The following UBAC2 variants were observed in gnomAD, a reference collection of about 807,000 sequenced individuals.
UBAC2 encodes ubiquitin-associated domain-containing protein 2.
A neutral mutation model predicts 44.0 loss-of-function variants in UBAC2; 26 were observed. That is an observed-to-expected ratio of 0.59 (90% CI 0.43 to 0.82). The LOEUF (loss-of-function observed/expected upper bound fraction) is 0.82. Among genes scored for constraint, UBAC2 ranks in the 40% least tolerant of loss-of-function variants. UBAC2 has a pLI of 0.00. For synonymous variants in UBAC2, 155 were observed against 154.3 expected (o/e 1.00, Z -0.04); for missense variants, 329 against 419.4 (o/e 0.78, Z 1.88).
chr13:99,376,874 A>G lies in UBAC2; in HGVS notation c.928-8354A>G, dbSNP rs552822433. 2.0e-5 allele frequency: 3 copies of G among 152,294 alleles called. No individual in the cohort carries two copies. The East Asian group carries it at 5.8e-4, about 29-fold the overall frequency. The allele number at this position is 152,294 out of a possible 1,614,324, so 9.4% of individuals were successfully genotyped here. On this transcript the variant is annotated intron_variant, in intron 8 of 8. Coordinates refer to ENST00000403766, the MANE Select transcript of UBAC2 (RefSeq NM_001144072.2). ...GATGGAGAGGGAATGTTGAAAGAAC[A>G]CCTTTTTAGAAAATTTCTTTGAGAC...
chr13:99,288,985 A>G (rs900363162), intron 4 of UBAC2, among the ~76,000 whole-genome samples: 2 of 152,252 alleles, frequency 1.3e-5, no homozygotes, highest in Non-Finnish European at 2.9e-5. Flanking sequence ...TTTGAGGGAT[A>G]CAAGAATATT....
At position 99,247,504 on chromosome 13, in the gene UBAC2, G is replaced by A. The variant is rs1210011661; in HGVS notation, c.389+2880G>A. On this transcript the variant is annotated intron_variant, in intron 4 of 8. Transcript: ENST00000403766. ...GCTGGGATTACAGGCGTGAGCCACCGCGCCCGGCCTGTGTTGTTTTTTTTT... is the reference window on the plus strand; with the variant it reads ...GCTGGGATTACAGGCGTGAGCCACCACGCCCGGCCTGTGTTGTTTTTTTTT... 3.3e-5 allele frequency among the ~76,000 whole-genome samples: 5 copies of A among 152,056 alleles called. No individual in the cohort carries two copies. In the South Asian group the frequency reaches 8.3e-4, roughly 25 times the overall value.
At chr13:99,381,250 C>T (rs1436203862) in intron 8 of UBAC2, among the ~76,000 whole-genome samples, 3 of 152,240 alleles carry the variant, frequency 2.0e-5, no homozygotes, top group African/African-American at 7.2e-5. Flanking sequence ...AGCCCATTAT[C>T]AGCATCCTGT....
chr13:99,228,565 A>G (rs914667974), intron 1 of UBAC2, among the ~76,000 whole-genome samples: 4 of 152,188 alleles, frequency 2.6e-5, no homozygotes, highest in African/African-American at 7.2e-5. Flanking sequence ...AAGTGCTGGG[A>G]TTATAGGCAT....
At position 99,200,872 on chromosome 13, in the gene UBAC2, CCCCGGCGCCCTCTGGGGCTCCGAG is replaced by C. The variant is rs1274426323; in HGVS notation, c.-29_-6del. 3.1e-6 allele frequency: 4 copies of C among 1,292,806 alleles called. No individual in the cohort carries two copies. In the East Asian group the frequency reaches 8.9e-5, roughly 29 times the overall value. 80.1% of individuals were successfully genotyped at this position (1,292,806 alleles called of 1,614,324 possible). A position where few individuals can be genotyped will look rare whatever the true frequency, so the allele number is the denominator to read the frequency against. On this transcript the variant is annotated 5_prime_UTR_variant, in exon 1 of 9. Coordinates refer to ENST00000403766, the MANE Select transcript of UBAC2 (RefSeq NM_001144072.2). ...GGGGCTCGCACTTCAGCTTCCCCTCCCCCGGCGCCCTCTGGGGCTCCGAGCCCGGCGGGACCATGTTCACCAGCA... is the reference window on the plus strand; with the variant it reads ...GGGGCTCGCACTTCAGCTTCCCCTCCCCCGGCGGGACCATGTTCACCAGCA...
chr13:99,208,633 C>T (rs551419839), intron 1 of UBAC2, among the ~76,000 whole-genome samples: 9 of 152,210 alleles, frequency 5.9e-5, no homozygotes, highest in Non-Finnish European at 1.2e-4. Context: ...GCAACCATCT[C>T]TGTCCGAAAA....
chr13:99,296,221 CT>C, intron 4 of UBAC2: 1 of 1,392,650 alleles, frequency 7.2e-7, no homozygotes, highest in African/African-American at 1.4e-5. Flanking sequence ...AGTTTGATTA[CT>C]CATTAGTTTT....
intron 1 of UBAC2, among the ~76,000 whole-genome samples, chr13:99,234,742 G>A (rs1282547491): frequency 6.6e-6 from 1 of 152,180 alleles, no homozygotes; most frequent in Non-Finnish European, 1.5e-5. Flanking sequence ...ATCTATGAGA[G>A]AGGAAGGCAT....
At chr13:99,343,867 G>A (rs771463552) in intron 7 of UBAC2, among the ~76,000 whole-genome samples, 4 of 152,126 alleles carry the variant, frequency 2.6e-5, no homozygotes. Flanking sequence ...TACCGTACAG[G>A]GTGCAGTTGT....
At chr13:99,358,714 G>A (rs1406203870) in intron 7 of UBAC2, among the ~76,000 whole-genome samples, 1 of 152,212 alleles carries the variant, frequency 6.6e-6, no homozygotes, top group Non-Finnish European at 1.5e-5. Flanking sequence ...GGGGCAGTGA[G>A]AGTGAGGGTG....
rs982260462 is a variant in UBAC2 at position 99,304,058 on chromosome 13, G to T, written c.390-10039G>T. ...GCTTCCCGCCAGGCTCTCAAACGGG[G>T]CCCATCCAACCCCAGGCAAACCACA... On this transcript the variant is annotated intron_variant, in intron 4 of 8. Transcript: ENST00000403766. Among the ~76,000 whole-genome samples, 6 of 152,218 alleles carry T rather than the reference G, an allele frequency of 3.9e-5. 1 individual carries two copies. Among genetic ancestry groups the T allele is most frequent in the Middle Eastern group, 3.4e-3 (1 of 294 alleles).
intron 4 of UBAC2, among the ~76,000 whole-genome samples, chr13:99,245,094 A>G (rs960507709): frequency 6.6e-6 from 1 of 152,184 alleles, no homozygotes; most frequent in Non-Finnish European, 1.5e-5. Flanking sequence ...TCGGCCTCCC[A>G]AAGTGCTTGA....
chr13:99,201,246 G>T, intron 1 of UBAC2: 3 of 1,434,494 alleles, frequency 2.1e-6, no homozygotes. Context: ...GTGTTCTCGT[G>T]GGCCGGCCCC....
chr13:99,271,766 C>T (rs934640709), intron 4 of UBAC2, among the ~76,000 whole-genome samples: 26 of 152,106 alleles, frequency 1.7e-4, no homozygotes, highest in Admixed American at 6.5e-5. Context: ...GTTTCATTTG[C>T]TCTTCGAGTC....
chr13:99,263,135 T>C (rs1168104731), intron 4 of UBAC2, among the ~76,000 whole-genome samples: 1 of 152,236 alleles, frequency 6.6e-6, no homozygotes, highest in African/African-American at 2.4e-5. Context: ...GTTTTAGTAA[T>C]TTTTGTTGAA....
At chr13:99,255,361 G>A (rs1255706020) in intron 4 of UBAC2, 3 of 1,614,192 alleles carry the variant, frequency 1.9e-6, no homozygotes, top group South Asian at 1.1e-5. Context: ...CTTGAGGCAG[G>A]TGGCGGGAGT....
chr13:99,345,491 C>G (rs545576700), intron 7 of UBAC2, among the ~76,000 whole-genome samples: 1 of 152,158 alleles, frequency 6.6e-6, no homozygotes, highest in African/African-American at 2.4e-5. Flanking sequence ...CTGTTCACTC[C>G]CTAAATAGGT....
chr13:99,255,219 C>T, intron 4 of UBAC2: 1 of 1,614,076 alleles, frequency 6.2e-7, no homozygotes, highest in Admixed American at 1.7e-5. Context: ...GCTTAGACGT[C>T]CTGCCGTGAA....
chr13:99,245,138 C>CT (rs1409812272), intron 4 of UBAC2, among the ~76,000 whole-genome samples: 1 of 152,116 alleles, frequency 6.6e-6, no homozygotes, highest in Non-Finnish European at 1.5e-5. Flanking sequence ...CAGGCACCTT[C>CT]TTTTTTTAGC....
Sources: gnomAD v4.1 joint callset for allele counts (sites outside exome capture counted in the v4.1 genomes callset) on GRCh38, gnomAD v4.1.1 for gene constraint, MANE v1.5 for transcripts, NCBI Gene and HGNC (gene_info 2026-07-23, HGNC 2026-07-21) for gene names.